FAHD1: variants seen among roughly 807,000 people sequenced by gnomAD.
The protein encoded by FAHD1 is oxaloacetate tautomerase FAHD1, mitochondrial.
A neutral mutation model predicts 12.7 loss-of-function variants in FAHD1; 14 were observed. That is an observed-to-expected ratio of 1.10 (90% confidence interval 0.73 to 1.72). The LOEUF (loss-of-function observed/expected upper bound fraction) is 1.72, where lower values mean the gene tolerates loss of function less well. FAHD1 is among the 40% of genes most tolerant of loss of function. FAHD1 has a pLI of 0.00. For synonymous variants in FAHD1, 153 were observed against 124.9 expected (o/e 1.22, Z -1.50); for missense variants, 351 against 298.9 (o/e 1.17, Z -1.29).
exon 1 of FAHD1, chr16:1,827,625 C>G: frequency 6.2e-7 from 1 of 1,613,982 alleles, no homozygotes; most frequent in Non-Finnish European, 8.5e-7. Context: ...GCCCGGTCAG[C>G]GCGTTCGTGC....
intron 1 of FAHD1, among the ~76,000 whole-genome samples, chr16:1,835,615 C>T (rs1173750314): frequency 6.6e-6 from 1 of 152,108 alleles, no homozygotes; most frequent in Non-Finnish European, 1.5e-5. Context: ...TTGGCTAGAA[C>T]ACGTTCAGAG....
chr16:1,827,987 G>A, exon 1 of FAHD1: 1 of 1,540,920 alleles, frequency 6.5e-7, no homozygotes, highest in Non-Finnish European at 8.7e-7. Flanking sequence ...CCTTTAATTA[G>A]AAACCATTTA....
chr16:1,834,382 G>A, intron 1 of FAHD1: 1 of 1,364,942 alleles, frequency 7.3e-7, no homozygotes. Flanking sequence ...AGGAGAAACA[G>A]AAAAAGAGAC....
exon 1 of FAHD1, chr16:1,828,033 G>C: frequency 6.8e-7 from 1 of 1,463,022 alleles, no homozygotes; most frequent in Non-Finnish European, 9.0e-7. Flanking sequence ...TGTAATCGCA[G>C]CACTTTGGGA....
At chr16:1,838,350 A>G (rs2142075364) in intron 2 of FAHD1, among the ~76,000 whole-genome samples, 1 of 152,304 alleles carries the variant, frequency 6.6e-6, no homozygotes, top group Middle Eastern at 3.4e-3. Flanking sequence ...TATATAAGCA[A>G]AATCTCCAAA....
intron 1 of FAHD1, among the ~76,000 whole-genome samples, chr16:1,835,562 A>G (rs191575807): frequency 2.0e-5 from 3 of 152,332 alleles, no homozygotes; most frequent in Admixed American, 6.5e-5. Context: ...GGCAATAACA[A>G]TAAGTGGGTA....
chr16:1,827,612 C>G (rs746275903), exon 1 of FAHD1: 2 of 1,613,790 alleles, frequency 1.2e-6, no homozygotes, highest in African/African-American at 2.7e-5. Flanking sequence ...TTCACGGCGT[C>G]CTGCCCGGTC....
At chr16:1,836,160 T>G (rs1898739829) in intron 1 of FAHD1, among the ~76,000 whole-genome samples, 1 of 146,450 alleles carries the variant, frequency 6.8e-6, no homozygotes, top group African/African-American at 2.5e-5. Context: ...ATCTTCAACA[T>G]GTGTTATTTT....
At chr16:1,840,198 AG>A (rs755364240) in exon 3 of FAHD1, 3 of 152,210 alleles carry the variant, frequency 2.0e-5, no homozygotes, top group Non-Finnish European at 4.4e-5. Context: ...ATAAATGTAC[AG>A]GAAAAAAATT....
exon 1 of FAHD1, chr16:1,827,496 G>A (rs1898508420): frequency 5.6e-6 from 9 of 1,612,746 alleles, no homozygotes; most frequent in Non-Finnish European, 7.6e-6. Context: ...CCGAGGCTGC[G>A]GCCATGGACT....
At chr16:1,839,068 T>A (rs1490857898) in intron 2 of FAHD1, among the ~76,000 whole-genome samples, 3 of 152,232 alleles carry the variant, frequency 2.0e-5, no homozygotes, top group Non-Finnish European at 4.4e-5. Flanking sequence ...TTAGCTAGGA[T>A]TTTGATATAA....
exon 1 of FAHD1, chr16:1,828,274 C>CAAAAAAAAAAAAAAAAA: frequency 1.4e-6 from 1 of 728,966 alleles, no homozygotes; most frequent in Non-Finnish European, 1.6e-6. Flanking sequence ...GACTCCGTCT[C>CAAAAAAAAAAAAAAAAA]AAAAAAAAAA....
At chr16:1,828,393 A>G in exon 1 of FAHD1, 1 of 1,002,006 alleles carries the variant, frequency 1.0e-6, no homozygotes, top group Non-Finnish European at 1.2e-6. Context: ...GCCAGAAATG[A>G]AAACAGGCAA....
chr16:1,836,272 G>C (rs1372713865), intron 1 of FAHD1, among the ~76,000 whole-genome samples: 1 of 152,146 alleles, frequency 6.6e-6, no homozygotes, highest in Non-Finnish European at 1.5e-5. Context: ...CCATAATTAT[G>C]AATATTTGTT....
chr16:1,828,338 C>G (rs932399433), exon 1 of FAHD1: 2 of 994,690 alleles, frequency 2.0e-6, no homozygotes, highest in African/African-American at 1.8e-5. Flanking sequence ...TGCCTCAACT[C>G]ATAGAAGATG....
At chr16:1,827,763 G>C (rs754205563) in exon 1 of FAHD1, 1 of 1,614,110 alleles carries the variant, frequency 6.2e-7, no homozygotes, top group Non-Finnish European at 8.5e-7. Flanking sequence ...ATGTTTCTAA[G>C]ATCATAACCT....
intron 1 of FAHD1, among the ~76,000 whole-genome samples, chr16:1,834,923 G>A (rs542906923): frequency 3.0e-4 from 44 of 148,622 alleles, no homozygotes; most frequent in African/African-American, 1.0e-3. Flanking sequence ...CAACTAGAGC[G>A]AAACTCTGTC....
chr16:1,831,877 T>G (rs543511973), downstream of FAHD1, among the ~76,000 whole-genome samples: 1 of 152,284 alleles, frequency 6.6e-6, no homozygotes, highest in African/African-American at 2.4e-5. Context: ...GAGGTGGAAC[T>G]GTTTCATCCT....
At chr16:1,831,469 C>A (rs946513117), downstream of FAHD1, among the ~76,000 whole-genome samples, 12 of 152,190 alleles carry the variant, frequency 7.9e-5, no homozygotes, top group African/African-American at 2.9e-4. Flanking sequence ...GCACCAGAAT[C>A]TGCTCTCCCC....
Sources: allele counts gnomAD v4.1 joint callset (sites outside exome capture counted in the v4.1 genomes callset), GRCh38; gene constraint gnomAD v4.1.1; transcripts MANE v1.5; gene names NCBI Gene and HGNC (gene_info 2026-07-23, HGNC 2026-07-21).